The following DOK5 variants were observed in gnomAD, a reference collection of about 807,000 sequenced individuals.
DOK5 encodes downstream of tyrosine kinase 5.
Under a neutral mutation model 43.3 loss-of-function variants are expected in DOK5, and 27 were observed. That is an observed-to-expected ratio of 0.62 (90% CI 0.46 to 0.86). The LOEUF is 0.86. Among genes scored for constraint, DOK5 ranks in the 40% least tolerant of loss-of-function variants. The probability of loss-of-function intolerance (pLI) is 0.00; values close to 1 mark genes in which losing one functional copy is unlikely to be tolerated. For synonymous variants in DOK5, 146 were observed against 140.1 expected (o/e 1.04, Z -0.30); for missense variants, 373 against 392.9 (o/e 0.95, Z 0.43).
chr20:54,643,551 A>G lies in DOK5; in HGVS notation c.829A>G (p.Ser277Gly). 6.2e-7 allele frequency: 1 copy of G among 1,613,206 alleles called. No individual in the cohort carries two copies. Among genetic ancestry groups the G allele is most frequent in the East Asian group, 2.2e-5 (1 of 44,870 alleles). Residue 277 changes from serine to glycine, a missense_variant, in exon 7 of 8, where the codon AGC becomes GGC. Coordinates refer to ENST00000262593, the MANE Select transcript of DOK5 (RefSeq NM_018431.5). ...AYWQHITRQH[S>G]TGQLYRLQDV... is the part of the protein sequence containing the mutation. ...CTGGCAGCACATCACACGGCAGCAC[A>G]GCACGGGACAGCTCTACCGCTTGCA... is the stretch of plus-strand genomic sequence containing the variant.
intron 1 of DOK5, among the ~76,000 whole-genome samples, chr20:54,482,207 C>T (rs923712530): frequency 2.0e-5 from 3 of 152,274 alleles, no homozygotes; most frequent in South Asian, 2.1e-4. Context: ...AACTCCAATT[C>T]GAGTGAATTC....
At chr20:54,621,952 T>C (rs1986986422) in intron 6 of DOK5, among the ~76,000 whole-genome samples, 1 of 152,158 alleles carries the variant, frequency 6.6e-6, no homozygotes, top group Non-Finnish European at 1.5e-5. Context: ...CCCAGCACTT[T>C]GGGAGGCTGA....
At chr20:54,595,514 G>A (rs1986113811) in intron 5 of DOK5, among the ~76,000 whole-genome samples, 1 of 152,072 alleles carries the variant, frequency 6.6e-6, no homozygotes, top group African/African-American at 2.4e-5. Flanking sequence ...ATGCTGACTT[G>A]GAAGATATAA....
intron 1 of DOK5, among the ~76,000 whole-genome samples, chr20:54,531,300 T>C (rs998956708): frequency 6.6e-6 from 1 of 152,192 alleles, no homozygotes; most frequent in African/African-American, 2.4e-5. Context: ...TCAATTTTAG[T>C]CATAGAACCC....
chr20:54,553,277 G>T (rs1042493899), intron 1 of DOK5, among the ~76,000 whole-genome samples: 34 of 152,050 alleles, frequency 2.2e-4, no homozygotes, highest in Admixed American at 2.0e-3. Flanking sequence ...CTCACTGCAA[G>T]CTCCGCCTCC....
rs113297958 is a variant in DOK5, at chr20:54,490,880, G to A, written c.66+14868G>A. On this transcript the variant is annotated intron_variant, in intron 1 of 7. Coordinates refer to ENST00000262593, the MANE Select transcript of DOK5 (RefSeq NM_018431.5). ...TGGGATTACAGGCGTGAGCCACCGC[G>A]CCCAGCCTCTTTTCCTTTCTCTCTA... is the stretch of plus-strand genomic sequence containing the variant. Among the ~76,000 whole-genome samples, 1,044 of 151,870 alleles carry A rather than the reference G, an allele frequency of 6.9e-3. 2 individuals carry two copies. Among genetic ancestry groups the A allele is most frequent in the Non-Finnish European group, 0.01 (696 of 67,840 alleles).
chr20:54,478,362 A>G (rs1981521411), intron 1 of DOK5, among the ~76,000 whole-genome samples: 2 of 152,218 alleles, frequency 1.3e-5, no homozygotes, highest in Non-Finnish European at 1.5e-5. Flanking sequence ...TCTAGGCTAC[A>G]TATAGTCTAG....
chr20:54,480,077 T>C (rs6098009), intron 1 of DOK5, among the ~76,000 whole-genome samples: 30,583 of 152,012 alleles, frequency 0.2, 5,205 homozygotes, highest in African/African-American at 0.47. Context: ...TTGCTCCCGC[T>C]AGTGCCTTCT....
intron 1 of DOK5, among the ~76,000 whole-genome samples, chr20:54,532,443 G>A (rs1983808748): frequency 6.6e-6 from 1 of 152,200 alleles, no homozygotes; most frequent in Non-Finnish European, 1.5e-5. Flanking sequence ...GTAGCCAAGT[G>A]GAAGGGTGTG....
chr20:54,528,377 G>A lies in DOK5; in HGVS notation c.67-26556G>A, dbSNP rs777264084. ...TGGGAAAGAAGTTAAAGTTAGTATCGTAGTTCCATGGTCAACAGGAAACCT... is the reference window on the plus strand; with the variant it reads ...TGGGAAAGAAGTTAAAGTTAGTATCATAGTTCCATGGTCAACAGGAAACCT... On this transcript the variant is annotated intron_variant, in intron 1 of 7. Transcript: ENST00000262593. 1.3e-4 allele frequency among the ~76,000 whole-genome samples: 20 copies of A among 151,952 alleles called. 1 individual carries two copies. Among genetic ancestry groups the A allele is most frequent in the Non-Finnish European group, 2.4e-4 (16 of 67,988 alleles).
chr20:54,537,046 C>A (rs1212367204), intron 1 of DOK5, among the ~76,000 whole-genome samples: 1 of 152,218 alleles, frequency 6.6e-6, no homozygotes, highest in Admixed American at 6.5e-5. Context: ...GAGGCCACTC[C>A]TACTGCAGAA....
At chr20:54,490,549 C>T (rs1982123760) in intron 1 of DOK5, among the ~76,000 whole-genome samples, 1 of 151,998 alleles carries the variant, frequency 6.6e-6, no homozygotes, top group African/African-American at 2.4e-5. Context: ...TATGTTGTTC[C>T]TGGGTATCTG....
intron 6 of DOK5, among the ~76,000 whole-genome samples, chr20:54,615,646 T>C (rs967414964): frequency 8.5e-5 from 13 of 152,190 alleles, no homozygotes; most frequent in Admixed American, 7.9e-4. Flanking sequence ...GCGCAGTGGC[T>C]CATGCCTGTA....
At chr20:54,603,174 T>A (rs1986350613) in intron 5 of DOK5, among the ~76,000 whole-genome samples, 1 of 152,226 alleles carries the variant, frequency 6.6e-6, no homozygotes, top group Non-Finnish European at 1.5e-5. Flanking sequence ...AGCTGTCCCA[T>A]GCTCAGAATC....
At chr20:54,634,095 A>G (rs1313730050) in intron 6 of DOK5, among the ~76,000 whole-genome samples, 1 of 152,232 alleles carries the variant, frequency 6.6e-6, no homozygotes, top group African/African-American at 2.4e-5. Flanking sequence ...GGAAACCAGA[A>G]ATGCATTTGG....
At chr20:54,610,675 A>G in intron 6 of DOK5, 152 bp downstream of exon 6, 5 of 932,016 alleles carry the variant, frequency 5.4e-6, no homozygotes, top group South Asian at 4.0e-5. Flanking sequence ...ATGGCATTCC[A>G]GAATGCCTGA....
intron 6 of DOK5, among the ~76,000 whole-genome samples, chr20:54,625,002 T>C (rs1600746862): frequency 6.6e-6 from 1 of 150,654 alleles, no homozygotes; most frequent in African/African-American, 2.5e-5. Flanking sequence ...CTTACCCACA[T>C]TTTTTTTTCT....
At chr20:54,499,443 C>A (rs1295870561) in intron 1 of DOK5, among the ~76,000 whole-genome samples, 1 of 152,186 alleles carries the variant, frequency 6.6e-6, no homozygotes, top group East Asian at 1.9e-4. Context: ...CTGATACAGA[C>A]AGACCTAGAA....
intron 1 of DOK5, among the ~76,000 whole-genome samples, chr20:54,501,675 A>G (rs767714974): frequency 1.3e-5 from 2 of 152,128 alleles, no homozygotes; most frequent in African/African-American, 2.4e-5. Flanking sequence ...ATGAAGATAC[A>G]TACAGTGTTT....
Sources: gnomAD v4.1 joint callset for allele counts (sites outside exome capture counted in the v4.1 genomes callset) on GRCh38, gnomAD v4.1.1 for gene constraint, MANE v1.5 for transcripts, NCBI Gene and HGNC (gene_info 2026-07-23, HGNC 2026-07-21) for gene names.